TSPAN5: variants seen among roughly 807,000 people sequenced by gnomAD.
TSPAN5 encodes the protein tetraspanin-5.
In TSPAN5, 10 loss-of-function variants were observed where a neutral mutation model predicts 37.1. The observed-to-expected ratio is 0.27, with a 90% confidence interval of 0.17 to 0.46. The LOEUF (loss-of-function observed/expected upper bound fraction) is 0.46, where lower values mean the gene tolerates loss of function less well. Ranked by LOEUF, TSPAN5 falls within the 20% of genes least tolerant of loss-of-function variation. The pLI is 1.00. For synonymous variants in TSPAN5, 110 were observed against 118.9 expected (o/e 0.93, Z 0.48); for missense variants, 195 against 326.6 (o/e 0.60, Z 3.11).
In TSPAN5 at chr4:98,482,080, G is replaced by T. The variant is rs771323786; in HGVS notation, c.375C>A (p.Phe125Leu). 1 of 1,614,106 alleles carries T rather than the reference G, an allele frequency of 6.2e-7. No individual in the cohort carries two copies. The highest frequency in any genetic ancestry group is 1.7e-5 in the Admixed American group (1 of 60,010). ...ATGCTCTGATGTTGTTGTTTATAAA[G>T]AAATACAGCTGGTCTTTGATCCAGT... Reference protein sequence around the residue: ...FKDWIKDQLYFFINNNIRAYR... With the variant: ...FKDWIKDQLYLFINNNIRAYR... Residue 125 changes from phenylalanine to leucine, a missense_variant, in exon 4 of 8, where the codon TTC (phenylalanine) becomes TTA (leucine). Phe to Leu is a conservative substitution (Grantham distance 22, BLOSUM62 0). Transcript: ENST00000305798.
At chr4:98,554,840 T>A (rs1471909436) in intron 1 of TSPAN5, among the ~76,000 whole-genome samples, 1 of 152,012 alleles carries the variant, frequency 6.6e-6, no homozygotes, top group Non-Finnish European at 1.5e-5. Flanking sequence ...AAGGAGAGAG[T>A]ATGTGCCAAA....
chr4:98,612,803 C>A (rs1197388101), intron 1 of TSPAN5, among the ~76,000 whole-genome samples: 3 of 152,212 alleles, frequency 2.0e-5, no homozygotes, highest in Admixed American at 6.5e-5. Context: ...GTCCCCTCAG[C>A]CTGAAATGCT....
At chr4:98,555,553 A>G (rs548156334) in intron 1 of TSPAN5, among the ~76,000 whole-genome samples, 1 of 152,244 alleles carries the variant, frequency 6.6e-6, no homozygotes, top group East Asian at 1.9e-4. Flanking sequence ...TGTATGCATC[A>G]TGAGAATGGA....
intron 1 of TSPAN5, among the ~76,000 whole-genome samples, chr4:98,582,694 G>T (rs1479903512): frequency 6.6e-6 from 1 of 152,124 alleles, no homozygotes; most frequent in Non-Finnish European, 1.5e-5. Context: ...CTTTCTAACA[G>T]CTTATTTTCC....
chr4:98,587,154 G>A (rs567928712), intron 1 of TSPAN5, among the ~76,000 whole-genome samples: 6 of 152,332 alleles, frequency 3.9e-5, no homozygotes, highest in Non-Finnish European at 2.9e-5. Context: ...GAAAAGTGGA[G>A]GGCGCCAAAG....
intron 2 of TSPAN5, among the ~76,000 whole-genome samples, chr4:98,494,686 G>A (rs1753160025): frequency 6.6e-6 from 1 of 151,938 alleles, no homozygotes; most frequent in South Asian, 2.1e-4. Flanking sequence ...ATTAGAACAA[G>A]AAGAAGACAC....
chr4:98,624,449 A>G (rs373082435), intron 1 of TSPAN5, among the ~76,000 whole-genome samples: 1 of 152,202 alleles, frequency 6.6e-6, no homozygotes, highest in Non-Finnish European at 1.5e-5. Context: ...ACGTATTAAC[A>G]TAAGTAACAT....
chr4:98,658,301 C>G lies in TSPAN5; in HGVS notation c.-75G>C. On this transcript the variant is annotated 5_prime_UTR_variant, in exon 1 of 8. Transcript: ENST00000305798. Reference sequence around the variant, plus strand: ...CGAAGCACCGTTGCTCGGAGCAGCCCGGCGGGGAGCAGGAGCTCAGGGACA... The same window carrying G: ...CGAAGCACCGTTGCTCGGAGCAGCCGGGCGGGGAGCAGGAGCTCAGGGACA... The G allele has an allele frequency of 7.9e-7, 1 of 1,272,184 alleles. No individual in the cohort carries two copies. Among genetic ancestry groups the G allele is most frequent in the Non-Finnish European group, 1.1e-6 (1 of 869,898 alleles). The allele number at this position is 1,272,184 out of a possible 1,614,324, so 78.8% of individuals were successfully genotyped here.
chr4:98,522,824 T>C (rs919547517), intron 1 of TSPAN5, among the ~76,000 whole-genome samples: 5 of 152,188 alleles, frequency 3.3e-5, no homozygotes, highest in African/African-American at 1.2e-4. Context: ...GACGACACCA[T>C]TTAGTTATTT....
intron 2 of TSPAN5, among the ~76,000 whole-genome samples, chr4:98,498,220 A>G (rs1753260718): frequency 6.6e-6 from 1 of 152,118 alleles, no homozygotes; most frequent in Non-Finnish European, 1.5e-5. Context: ...ACAGACACAG[A>G]GAGGAACTAA....
rs10032578 is a variant in TSPAN5 at position 98,602,350 on chromosome 4, C to T, written c.81+55796G>A. Among the ~76,000 whole-genome samples, 542 of 152,270 alleles carry T rather than the reference C, an allele frequency of 3.6e-3. 1 individual carries two copies. The highest frequency in any genetic ancestry group is 6.8e-3 in the Middle Eastern group (2 of 294). The stretch of plus-strand genomic sequence containing the variant: ...TAATGGTAAAAATTAAAGGTTGACC[C>T]ACAAATGTCTTTTTAATCTGCAGCA... On this transcript the variant is annotated intron_variant, in intron 1 of 7. Transcript: ENST00000305798.
At chr4:98,642,820 A>C (rs1756986586) in intron 1 of TSPAN5, among the ~76,000 whole-genome samples, 1 of 152,222 alleles carries the variant, frequency 6.6e-6, no homozygotes, top group South Asian at 2.1e-4. Flanking sequence ...TAATTTTTAA[A>C]AAAAGGCTTA....
At chr4:98,646,840 TATA>T (rs1757079473) in intron 1 of TSPAN5, among the ~76,000 whole-genome samples, 1 of 151,534 alleles carries the variant, frequency 6.6e-6, no homozygotes, top group South Asian at 2.1e-4. Context: ...AGGAAAACAG[TATA>T]ATAATTGCTA....
chr4:98,554,474 G>A (rs991932740), intron 1 of TSPAN5, among the ~76,000 whole-genome samples: 4 of 152,100 alleles, frequency 2.6e-5, no homozygotes, highest in Non-Finnish European at 4.4e-5. Context: ...AATCTAACGC[G>A]CTAATCATAC....
intron 1 of TSPAN5, among the ~76,000 whole-genome samples, chr4:98,652,545 C>G (rs1368088002): frequency 6.6e-6 from 1 of 152,134 alleles, no homozygotes; most frequent in Non-Finnish European, 1.5e-5. Context: ...TAACAAGCAT[C>G]TTCTAAAATA....
intron 1 of TSPAN5, among the ~76,000 whole-genome samples, chr4:98,544,628 G>A (rs754825261): frequency 2.0e-4 from 31 of 152,088 alleles, no homozygotes; most frequent in Non-Finnish European, 2.9e-4. Context: ...TCATAACGAC[G>A]GCAACAAGTA....
chr4:98,540,391 G>A (rs924786708), intron 1 of TSPAN5, among the ~76,000 whole-genome samples: 17 of 151,960 alleles, frequency 1.1e-4, no homozygotes, highest in African/African-American at 3.9e-4. Flanking sequence ...AGGCTGGAGT[G>A]CAGTGGCGCG....
chr4:98,635,404 C>G (rs892727412), intron 1 of TSPAN5, among the ~76,000 whole-genome samples: 79 of 152,266 alleles, frequency 5.2e-4, no homozygotes, highest in African/African-American at 1.8e-3. Flanking sequence ...ACAATGAATC[C>G]CCTACATGAG....
At chr4:98,520,641 G>A (rs868131079) in intron 1 of TSPAN5, among the ~76,000 whole-genome samples, 3 of 152,216 alleles carry the variant, frequency 2.0e-5, no homozygotes, top group African/African-American at 4.8e-5. Flanking sequence ...GTCTCCTCAA[G>A]TGTAAATGGG....
Sources: allele counts gnomAD v4.1 joint callset (sites outside exome capture counted in the v4.1 genomes callset), GRCh38; gene constraint gnomAD v4.1.1; transcripts MANE v1.5; gene names NCBI Gene and HGNC (gene_info 2026-07-23, HGNC 2026-07-21).